Variants in ADAMTSL1 observed in about 807,000 individuals in gnomAD.
The protein encoded by ADAMTSL1 is ADAMTS like 1.
ADAMTSL1 carries 126 observed loss-of-function variants against 201.8 expected under a neutral mutation model. The observed-to-expected ratio is 0.62, with a 90% confidence interval of 0.54 to 0.72. The LOEUF is 0.72. Ranked by LOEUF, ADAMTSL1 falls within the 30% of genes least tolerant of loss-of-function variation. The pLI is 0.00. For synonymous variants in ADAMTSL1, 1,121 were observed against 903.4 expected, an observed-to-expected ratio of 1.24 and a Z score of -4.32; for missense variants, 2,679 against 2,277.8, an observed-to-expected ratio of 1.18 and a Z score of -3.59.
Position 18,690,143 on chromosome 9 carries a change from A to G in ADAMTSL1, c.1574+5343A>G, listed in dbSNP as rs149545811. Among the ~76,000 whole-genome samples the G allele has an allele frequency of 2.0e-4, 30 of 152,346 alleles. No homozygotes were observed. In the East Asian group the frequency reaches 5.8e-3, roughly 29 times the overall value. ...GCATCTGTGAACAGAACCCAGAAGGAATTAGATGCATATAGAAAAACCAAT... is the reference window on the plus strand; with the variant it reads ...GCATCTGTGAACAGAACCCAGAAGGGATTAGATGCATATAGAAAAACCAAT... On this transcript the variant is annotated intron_variant, in intron 13 of 28. Transcript: ENST00000380548.
intron 1 of ADAMTSL1, among the ~76,000 whole-genome samples, chr9:17,955,916 T>C (rs555347254): frequency 1.3e-5 from 2 of 152,316 alleles, no homozygotes; most frequent in South Asian, 2.1e-4. Context: ...TTGTGTAATA[T>C]GTTTTGAGCT....
intron 15 of ADAMTSL1, among the ~76,000 whole-genome samples, chr9:18,729,583 T>C (rs1818092625): frequency 6.6e-6 from 1 of 152,240 alleles, no homozygotes; most frequent in African/African-American, 2.4e-5. Context: ...CCATTTATAA[T>C]GTTACGCTGC....
At chr9:18,334,355 T>C (rs992915327) in intron 2 of ADAMTSL1, among the ~76,000 whole-genome samples, 8 of 152,156 alleles carry the variant, frequency 5.3e-5, no homozygotes, top group Non-Finnish European at 1.0e-4. Context: ...TAGCAAATGC[T>C]TGTGCATATA....
At chr9:17,907,457 C>T (rs1474130179) in intron 1 of ADAMTSL1, among the ~76,000 whole-genome samples, 1 of 152,182 alleles carries the variant, frequency 6.6e-6, no homozygotes, top group Non-Finnish European at 1.5e-5. Context: ...TGTGTGCGGA[C>T]GCCGGACCAG....
At chr9:18,131,916 C>G (rs1398405719) in intron 1 of ADAMTSL1, among the ~76,000 whole-genome samples, 1 of 127,080 alleles carries the variant, frequency 7.9e-6, no homozygotes, top group East Asian at 2.4e-4. Flanking sequence ...GAGGAGGTCA[C>G]TTCCTTCATA....
intron 1 of ADAMTSL1, among the ~76,000 whole-genome samples, chr9:18,061,865 T>C (rs904391895): frequency 7.2e-5 from 11 of 152,250 alleles, no homozygotes; most frequent in African/African-American, 2.7e-4. Context: ...AGAAATACTT[T>C]GAATCACCAA....
intron 1 of ADAMTSL1, among the ~76,000 whole-genome samples, chr9:18,121,401 A>G (rs1587097794): frequency 6.6e-6 from 1 of 152,308 alleles, no homozygotes; most frequent in African/African-American, 2.4e-5. Context: ...AGATTGAAAT[A>G]CCCACCCACA....
intron 1 of ADAMTSL1, among the ~76,000 whole-genome samples, chr9:18,107,969 A>T (rs1028366153): frequency 1.3e-5 from 2 of 152,204 alleles, no homozygotes; most frequent in Non-Finnish European, 2.9e-5. Flanking sequence ...ATAGAATAAA[A>T]TGACACCTGA....
At chr9:18,317,201 A>G (rs1237787547) in intron 2 of ADAMTSL1, among the ~76,000 whole-genome samples, 10 of 152,148 alleles carry the variant, frequency 6.6e-5, no homozygotes, top group African/African-American at 1.4e-4. Flanking sequence ...CCATAGAAGC[A>G]GAGAGTAAAA....
intron 4 of ADAMTSL1, among the ~76,000 whole-genome samples, chr9:18,587,439 G>C (rs1044703176): frequency 4.6e-5 from 7 of 152,178 alleles, no homozygotes; most frequent in African/African-American, 1.7e-4. Context: ...CCAAATCAGA[G>C]TTACTGGGGT....
chr9:17,932,874 G>T (rs1826854468), intron 1 of ADAMTSL1, among the ~76,000 whole-genome samples: 1 of 152,058 alleles, frequency 6.6e-6, no homozygotes, highest in Non-Finnish European at 1.5e-5. Flanking sequence ...CTTCTATCAT[G>T]ACCAGATATA....
chr9:18,854,639 A>C (rs1213266655), intron 23 of ADAMTSL1, among the ~76,000 whole-genome samples: 2 of 152,172 alleles, frequency 1.3e-5, no homozygotes, highest in Non-Finnish European at 2.9e-5. Context: ...GGTGCAAAGG[A>C]GGGAGGAGAG....
intron 2 of ADAMTSL1, among the ~76,000 whole-genome samples, chr9:18,229,439 C>G (rs937862305): frequency 6.6e-5 from 10 of 151,982 alleles, no homozygotes; most frequent in African/African-American, 2.4e-4. Context: ...CCCTTCCACC[C>G]TGCCAGGAAA....
Position 18,492,925 on chromosome 9 carries a change from T to C in ADAMTSL1, c.64-11904T>C, listed in dbSNP as rs891138518. 5.3e-5 allele frequency among the ~76,000 whole-genome samples: 8 copies of C among 152,176 alleles called. No individual in the cohort carries two copies. In the East Asian group the frequency reaches 7.7e-4, roughly 15 times the overall value. On this transcript the variant is annotated intron_variant, in intron 1 of 28. Transcript: ENST00000380548. Reference sequence around the variant, plus strand: ...TGTCCCTGTTTAGAAGTTTTTGCTATCAATATTATGTATGTACACTCTGAA... The same window carrying C: ...TGTCCCTGTTTAGAAGTTTTTGCTACCAATATTATGTATGTACACTCTGAA...
At chr9:17,940,033 T>C (rs1617919) in intron 1 of ADAMTSL1, among the ~76,000 whole-genome samples, 103,765 of 151,734 alleles carry the variant, frequency 0.68, 35,959 homozygotes, top group East Asian at 0.94. Context: ...GGAGGGTGTA[T>C]TGGGGGGAGG....
Position 18,091,625 on chromosome 9 carries a change from T to G in ADAMTSL1, c.88-72237T>G, listed in dbSNP as rs948967886. ...ATGCCAGTTTTAACATTTAGCTGTG[T>G]ATCCTTGTCCATGTCACTTAATTTT... On this transcript the variant is annotated intron_variant, in intron 1 of 29. Transcript: ENST00000680146. Among the ~76,000 whole-genome samples, 14 of 152,340 alleles carry G rather than the reference T, an allele frequency of 9.2e-5. No homozygotes were observed. The East Asian group carries it at 2.7e-3, about 29-fold the overall frequency.
chr9:18,030,533 C>G (rs1820907170), intron 1 of ADAMTSL1, among the ~76,000 whole-genome samples: 1 of 151,764 alleles, frequency 6.6e-6, no homozygotes, highest in South Asian at 2.1e-4. Flanking sequence ...CACATGTACC[C>G]TAAAACTTAA....
At chr9:18,885,865 C>A (rs777669528) in intron 23 of ADAMTSL1, among the ~76,000 whole-genome samples, 1 of 151,942 alleles carries the variant, frequency 6.6e-6, no homozygotes, top group South Asian at 2.1e-4. Flanking sequence ...GAAGGCCTGC[C>A]GCACAATCTC....
chr9:18,396,713 A>G (rs1031110363), intron 2 of ADAMTSL1, among the ~76,000 whole-genome samples: 11 of 152,016 alleles, frequency 7.2e-5, no homozygotes, highest in African/African-American at 2.7e-4. Flanking sequence ...TTGCTTTGCC[A>G]TGGTGATCTC....
Sources: allele counts gnomAD v4.1 joint callset (sites outside exome capture counted in the v4.1 genomes callset), GRCh38; gene constraint gnomAD v4.1.1; transcripts MANE v1.5; gene names NCBI Gene and HGNC (gene_info 2026-07-23, HGNC 2026-07-21).